Variants in MAPDA observed in about 807,000 individuals in gnomAD.
The protein encoded by MAPDA is N6,N6-dimethyl-AMP deaminase.
chr15:43,350,956 C>T, the MAPDA span: 6 of 1,551,476 alleles, frequency 3.9e-6, no homozygotes, highest in South Asian at 2.4e-5. Flanking sequence ...TGTTTGACCT[C>T]AAACGTCAAA....
chr15:43,350,778 T>C, the MAPDA span, among the ~76,000 whole-genome samples: 2 of 152,212 alleles, frequency 1.3e-5, no homozygotes, highest in African/African-American at 4.8e-5. Context: ...ACTACAGTAA[T>C]TGAACTACAA....
chr15:43,345,932 T>G, the MAPDA span: 1 of 1,614,192 alleles, frequency 6.2e-7, no homozygotes, highest in Non-Finnish European at 8.5e-7. Flanking sequence ...AGTTCTTCCT[T>G]TCTACTGAGG....
At chr15:43,341,687 A>G in the MAPDA span, among the ~76,000 whole-genome samples, 1 of 151,708 alleles carries the variant, frequency 6.6e-6, no homozygotes, top group Non-Finnish European at 1.5e-5. Flanking sequence ...TATGGGCTCC[A>G]AGGGCTGCAG....
chr15:43,343,882 T>G, the MAPDA span, among the ~76,000 whole-genome samples: 1 of 150,286 alleles, frequency 6.7e-6, no homozygotes, highest in Non-Finnish European at 1.5e-5. Context: ...ATAACCCCAA[T>G]AAAAAACCAA....
the MAPDA span, chr15:43,349,265 G>GT: frequency 7.9e-7 from 1 of 1,260,870 alleles, no homozygotes; most frequent in Non-Finnish European, 1.0e-6. Context: ...TGTCTTATTC[G>GT]TTGTTACATT....
At chr15:43,333,952 A>G in the MAPDA span, among the ~76,000 whole-genome samples, 1 of 152,356 alleles carries the variant, frequency 6.6e-6, no homozygotes, top group East Asian at 1.9e-4. Flanking sequence ...TTTATCACCT[A>G]CAGTGTGCTA....
At chr15:43,341,790 A>G in the MAPDA span, among the ~76,000 whole-genome samples, 1 of 152,174 alleles carries the variant, frequency 6.6e-6, no homozygotes, top group South Asian at 2.1e-4. Context: ...ATAAATGTGT[A>G]TATGTGTACT....
At chr15:43,345,763 C>A in the MAPDA span, 11 of 1,475,490 alleles carry the variant, frequency 7.5e-6, no homozygotes, top group Non-Finnish European at 9.4e-6. Context: ...ATGTATTACA[C>A]GTAGTCTGCC....
the MAPDA span, chr15:43,351,567 G>T: frequency 1.7e-6 from 1 of 586,422 alleles, no homozygotes; most frequent in East Asian, 2.9e-5. Context: ...CACTGCTCTG[G>T]TATCTTTTCT....
chr15:43,341,482 C>T, the MAPDA span, among the ~76,000 whole-genome samples: 3 of 152,180 alleles, frequency 2.0e-5, no homozygotes, highest in East Asian at 1.9e-4. Flanking sequence ...GGGAAATACT[C>T]GGACTCATGT....
chr15:43,351,777 A>G, the MAPDA span: 32 of 1,549,822 alleles, frequency 2.1e-5, no homozygotes, highest in Non-Finnish European at 2.6e-5. Flanking sequence ...TTTTTGCAAC[A>G]CACCTTTCTC....
the MAPDA span, chr15:43,345,787 T>C: frequency 0.34 from 545,120 of 1,583,404 alleles, 108,144 homozygotes; most frequent in African/African-American, 0.88. Context: ...TCTGTCTGGC[T>C]GTACTCAGAA....
At chr15:43,335,796 T>C in the MAPDA span, 2 of 1,613,618 alleles carry the variant, frequency 1.2e-6, no homozygotes, top group East Asian at 2.2e-5. Flanking sequence ...ATGACTGTGA[T>C]TGACAAGGGA....
the MAPDA span, among the ~76,000 whole-genome samples, chr15:43,344,155 GT>G: frequency 6.6e-6 from 1 of 152,048 alleles, no homozygotes; most frequent in East Asian, 1.9e-4. Context: ...TTATAAAAAA[GT>G]TTTTCCCTCT....
the MAPDA span, chr15:43,335,619 C>T: frequency 3.4e-6 from 5 of 1,455,238 alleles, no homozygotes; most frequent in South Asian, 6.9e-5. Context: ...CTATTGCAAA[C>T]TACCAACATT....
At chr15:43,339,444 G>A in the MAPDA span, among the ~76,000 whole-genome samples, 1 of 152,200 alleles carries the variant, frequency 6.6e-6, no homozygotes, top group African/African-American at 2.4e-5. Context: ...GTGCCATACT[G>A]TTAGGCACTG....
the MAPDA span, among the ~76,000 whole-genome samples, chr15:43,347,435 C>T: frequency 6.6e-6 from 1 of 152,264 alleles, no homozygotes; most frequent in Admixed American, 6.5e-5. Context: ...TTTATCTCAC[C>T]TGTCCTCATA....
At chr15:43,338,282 T>C in the MAPDA span, among the ~76,000 whole-genome samples, 3 of 152,172 alleles carry the variant, frequency 2.0e-5, no homozygotes, top group Non-Finnish European at 4.4e-5. Flanking sequence ...ACTAAGAGAT[T>C]GTAAATGTAG....
chr15:43,341,874 C>T, the MAPDA span, among the ~76,000 whole-genome samples: 3 of 152,098 alleles, frequency 2.0e-5, no homozygotes, highest in South Asian at 2.1e-4. Context: ...GAGTCTTGCT[C>T]GTCACCCAGA....
Sources: gnomAD v4.1 joint callset for allele counts (sites outside exome capture counted in the v4.1 genomes callset) on GRCh38, gnomAD v4.1.1 for gene constraint, MANE v1.5 for transcripts, NCBI Gene and HGNC (gene_info 2026-07-23, HGNC 2026-07-21) for gene names.